DENND1A: variants seen among roughly 807,000 people sequenced by gnomAD.
DENND1A encodes DENN domain-containing protein 1A.
DENND1A carries 51 observed loss-of-function variants against 113.7 expected under a neutral mutation model. The ratio of observed to expected loss-of-function variants is 0.45; its 90% CI spans 0.36 to 0.57. The LOEUF (loss-of-function observed/expected upper bound fraction) is 0.57, where lower values mean the gene tolerates loss of function less well. DENND1A is among the 20% of genes least tolerant of loss of function. DENND1A has a pLI of 0.00. For missense variants in DENND1A, 1,258 were observed against 1,395.9 expected (o/e 0.90, Z 1.57); for synonymous variants, 565 against 570.8 (o/e 0.99, Z 0.14).
chr9:123,843,937 T>C (rs939668509), intron 2 of DENND1A, among the ~76,000 whole-genome samples: 2 of 152,066 alleles, frequency 1.3e-5, no homozygotes, highest in African/African-American at 4.8e-5. Context: ...ATTAATGTAA[T>C]AAGCCGTATC....
intron 13 of DENND1A, among the ~76,000 whole-genome samples, chr9:123,524,387 G>A (rs1018283850): frequency 6.6e-6 from 1 of 152,228 alleles, no homozygotes; most frequent in South Asian, 2.1e-4. Flanking sequence ...AATAAGTCCA[G>A]GGTGGATCTA....
intron 12 of DENND1A, among the ~76,000 whole-genome samples, chr9:123,565,729 C>A (rs1055290067): frequency 1.4e-4 from 22 of 152,190 alleles, no homozygotes; most frequent in African/African-American, 5.3e-4. Context: ...GCCACTTTCA[C>A]ACTGGCAATG....
intron 21 of DENND1A, among the ~76,000 whole-genome samples, chr9:123,391,715 C>G (rs184153111): frequency 7.1e-4 from 92 of 130,480 alleles, no homozygotes; most frequent in African/African-American, 2.6e-3. Flanking sequence ...GATGAACCAT[C>G]GAAAACGTCC....
chr9:123,620,169 G>A (rs2060870984), intron 10 of DENND1A, among the ~76,000 whole-genome samples: 1 of 124,474 alleles, frequency 8.0e-6, no homozygotes, highest in South Asian at 2.5e-4. Flanking sequence ...AGCTGAGATC[G>A]CACCACTGCA....
At chr9:123,650,906 CAAAAAAAAAA>C (rs76905879) in intron 9 of DENND1A, among the ~76,000 whole-genome samples, 1 of 35,654 alleles carries the variant, frequency 2.8e-5, no homozygotes, top group East Asian at 1.2e-3. Flanking sequence ...GACTCTGTCT[CAAAAAAAAAA>C]AAAAAAAAAA....
intron 1 of DENND1A, among the ~76,000 whole-genome samples, chr9:123,925,352 G>A (rs566973346): frequency 2.3e-4 from 35 of 151,946 alleles, no homozygotes; most frequent in Admixed American, 2.0e-4. Flanking sequence ...CTTGGTGAAG[G>A]CTTCCTTTCC....
chr9:123,834,518 T>G (rs572353215), intron 2 of DENND1A, among the ~76,000 whole-genome samples: 1 of 152,324 alleles, frequency 6.6e-6, no homozygotes, highest in East Asian at 1.9e-4. Flanking sequence ...CTACTTTGTG[T>G]CTTTATTTTA....
chr9:123,900,060 A>C (rs1435729381), intron 1 of DENND1A, among the ~76,000 whole-genome samples: 3 of 152,226 alleles, frequency 2.0e-5, no homozygotes, highest in African/African-American at 7.2e-5. Flanking sequence ...ATCAGTATTT[A>C]CACCATAGAT....
intron 1 of DENND1A, among the ~76,000 whole-genome samples, chr9:123,901,234 AATTACAGC>A (rs1851570217): frequency 6.6e-6 from 1 of 152,168 alleles, no homozygotes; most frequent in Non-Finnish European, 1.5e-5. Context: ...AGTCAGGAGG[AATTACAGC>A]CATTAAGGTA....
chr9:123,828,851 A>G (rs571017842), intron 2 of DENND1A, among the ~76,000 whole-genome samples: 2 of 152,320 alleles, frequency 1.3e-5, no homozygotes, highest in South Asian at 2.1e-4. Context: ...ACTGTCATAC[A>G]GTTTCTAAAA....
intron 5 of DENND1A, among the ~76,000 whole-genome samples, chr9:123,714,486 C>T (rs2066843691): frequency 6.6e-6 from 1 of 152,074 alleles, no homozygotes; most frequent in Admixed American, 6.5e-5. Flanking sequence ...CCTGTAATCC[C>T]AGCTACCAGG....
intron 13 of DENND1A, among the ~76,000 whole-genome samples, chr9:123,517,362 T>C (rs1178755211): frequency 4.6e-5 from 7 of 151,954 alleles, no homozygotes; most frequent in Non-Finnish European, 7.4e-5. Flanking sequence ...GGCTCATGCC[T>C]GTAATCCCAG....
intron 1 of DENND1A, among the ~76,000 whole-genome samples, chr9:123,921,676 T>A (rs2479102): frequency 3.9e-5 from 6 of 152,034 alleles, no homozygotes; most frequent in Admixed American, 1.3e-4. Flanking sequence ...ACATTCACTA[T>A]GGATCCCTCA....
At chr9:123,665,783 A>G (rs1024414332) in intron 8 of DENND1A, among the ~76,000 whole-genome samples, 2 of 152,218 alleles carry the variant, frequency 1.3e-5, no homozygotes, top group African/African-American at 4.8e-5. Context: ...CCAAAGGGTA[A>G]AAACAATATC....
chr9:123,730,242 G>C (rs1399623119), intron 5 of DENND1A, among the ~76,000 whole-genome samples: 1 of 152,156 alleles, frequency 6.6e-6, no homozygotes, highest in East Asian at 1.9e-4. Context: ...GGCAACAAAA[G>C]CCAAAATTGG....
At chr9:123,539,763 G>C (rs1706379511) in intron 13 of DENND1A, among the ~76,000 whole-genome samples, 1 of 151,724 alleles carries the variant, frequency 6.6e-6, no homozygotes, top group Non-Finnish European at 1.5e-5. Flanking sequence ...GGCGCCTGTA[G>C]TCCCAGCTAC....
chr9:123,619,791 G>A (rs897111939), intron 10 of DENND1A, among the ~76,000 whole-genome samples: 14 of 152,144 alleles, frequency 9.2e-5, no homozygotes, highest in African/African-American at 3.1e-4. Flanking sequence ...ATGTAGCAGA[G>A]AAATTGAAAA....
chr9:123,413,102 T>G (rs578187691), intron 19 of DENND1A, among the ~76,000 whole-genome samples: 8 of 152,320 alleles, frequency 5.3e-5, no homozygotes, highest in Non-Finnish European at 1.0e-4. Context: ...AAGAATTGCT[T>G]GAACCCGGAA....
chr9:123,664,379 G>T (rs2139786427), intron 8 of DENND1A, among the ~76,000 whole-genome samples: 1 of 151,882 alleles, frequency 6.6e-6, no homozygotes, highest in Non-Finnish European at 1.5e-5. Flanking sequence ...TATTGAATAA[G>T]TTTAAAATTT....
Sources: gnomAD v4.1 joint callset for allele counts (sites outside exome capture counted in the v4.1 genomes callset) on GRCh38, gnomAD v4.1.1 for gene constraint, MANE v1.5 for transcripts, NCBI Gene and HGNC (gene_info 2026-07-23, HGNC 2026-07-21) for gene names.